Variants in CACNG5 observed in about 807,000 individuals in gnomAD.
CACNG5 encodes the protein calcium voltage-gated channel auxiliary subunit gamma 5.
A neutral mutation model predicts 24.8 loss-of-function variants in CACNG5; 18 were observed. The ratio of observed to expected loss-of-function variants is 0.73; its 90% CI spans 0.50 to 1.08. The LOEUF is 1.08. Ranked by LOEUF, CACNG5 falls within the 50% of genes least tolerant of loss-of-function variation. The pLI, the probability that CACNG5 is intolerant of heterozygous loss-of-function variation, is 0.00. For missense variants in CACNG5, 349 were observed against 367.9 expected (o/e 0.95, Z 0.42); for synonymous variants, 157 against 149.1 (o/e 1.05, Z -0.39).
chr17:66,836,066 G>A (rs1296379075), intron 1 of CACNG5, among the ~76,000 whole-genome samples: 2 of 152,200 alleles, frequency 1.3e-5, no homozygotes, highest in Admixed American at 1.3e-4. Context: ...GAGCCTGGCT[G>A]GGGAGGAAAG....
chr17:66,884,927 G>A (rs569134887), intron 5 of CACNG5, 56 bp from the exon 6 acceptor site: 2 of 1,613,988 alleles, frequency 1.2e-6, no homozygotes, highest in East Asian at 2.2e-5. Context: ...CCCCAGCCAA[G>A]GGAGATGAGG....
intron 4 of CACNG5, among the ~76,000 whole-genome samples, chr17:66,881,037 C>T (rs917404388): frequency 6.6e-6 from 1 of 152,230 alleles, no homozygotes; most frequent in African/African-American, 2.4e-5. Flanking sequence ...CTGTGCCCAG[C>T]CACCCTGGAC....
intron 1 of CACNG5, among the ~76,000 whole-genome samples, chr17:66,861,538 T>C (rs1976858766): frequency 6.6e-6 from 1 of 152,146 alleles, no homozygotes; most frequent in African/African-American, 2.4e-5. Context: ...GGAATAGGGG[T>C]GCAGATATAC....
intron 1 of CACNG5, among the ~76,000 whole-genome samples, chr17:66,866,760 G>C (rs1032594116): frequency 7.2e-5 from 11 of 152,030 alleles, no homozygotes; most frequent in Non-Finnish European, 1.5e-5. Context: ...GAGGATGATG[G>C]CTTCCAGCTT....
rs531416018 is a variant in CACNG5 at position 66,888,492 on chromosome 17, C to G, written c.*3252C>G. On this transcript the variant is annotated 3_prime_UTR_variant, in exon 6 of 6. Coordinates refer to ENST00000533854, the MANE Select transcript of CACNG5 (RefSeq NM_145811.3). ...CTGGGAGGCAGAGCTTGCAGTGAGC[C>G]GAGATCGCACCACTGCACTCCAGCC... is the stretch of plus-strand genomic sequence containing the variant. Among the ~76,000 whole-genome samples the G allele has an allele frequency of 1.4e-5, 2 of 139,828 alleles. No homozygotes were observed. The highest frequency in any genetic ancestry group is 5.3e-5 in the African/African-American group (2 of 37,622). 91.7% of individuals were successfully genotyped at this position (139,828 alleles called of 152,430 possible). A position where few individuals can be genotyped will look rare whatever the true frequency, so the allele number is the denominator to read the frequency against.
intron 1 of CACNG5, among the ~76,000 whole-genome samples, chr17:66,844,084 T>C (rs980236239): frequency 5.9e-5 from 9 of 152,170 alleles, no homozygotes; most frequent in Middle Eastern, 3.4e-3. Context: ...GTCACCGGTG[T>C]TCTCTGATAG....
intron 1 of CACNG5, among the ~76,000 whole-genome samples, chr17:66,853,809 A>G (rs1370700582): frequency 6.6e-6 from 1 of 152,246 alleles, no homozygotes; most frequent in East Asian, 1.9e-4. Context: ...CCTTACCCTG[A>G]TAAGCTGTAT....
At chr17:66,860,229 C>G (rs1438915735) in intron 1 of CACNG5, among the ~76,000 whole-genome samples, 1 of 152,158 alleles carries the variant, frequency 6.6e-6, no homozygotes, top group Non-Finnish European at 1.5e-5. Context: ...CCAGCTCCCC[C>G]AGTTTCTAGC....
chr17:66,854,297 G>A (rs373491371), intron 1 of CACNG5, among the ~76,000 whole-genome samples: 6 of 151,848 alleles, frequency 4.0e-5, no homozygotes, highest in African/African-American at 9.7e-5. Context: ...GCATGGTGGC[G>A]GGCACCTGTA....
At chr17:66,882,770 C>T (rs766061291) in intron 4 of CACNG5, among the ~76,000 whole-genome samples, 11 of 151,018 alleles carry the variant, frequency 7.3e-5, no homozygotes, top group East Asian at 2.0e-4. Flanking sequence ...AGTGGATGGG[C>T]GGATGGGAAG....
chr17:66,883,237 C>T (rs1323151267), intron 4 of CACNG5, among the ~76,000 whole-genome samples: 5 of 152,148 alleles, frequency 3.3e-5, no homozygotes, highest in Admixed American at 6.5e-5. Context: ...GTGAACTTCA[C>T]GATAGCCAAA....
intron 1 of CACNG5, among the ~76,000 whole-genome samples, chr17:66,867,855 G>A (rs570873830): frequency 3.3e-5 from 5 of 152,274 alleles, no homozygotes; most frequent in East Asian, 1.9e-4. Context: ...CCAGTGCCAC[G>A]CTGTTTTGAT....
At chr17:66,844,558 T>A (rs1568061795) in intron 1 of CACNG5, among the ~76,000 whole-genome samples, 1 of 152,190 alleles carries the variant, frequency 6.6e-6, no homozygotes, top group South Asian at 2.1e-4. Context: ...GTTCATCATA[T>A]CCTCTCCATA....
chr17:66,856,895 C>G (rs1029709391), intron 1 of CACNG5, among the ~76,000 whole-genome samples: 74 of 152,024 alleles, frequency 4.9e-4, no homozygotes, highest in African/African-American at 1.7e-3. Context: ...CCCTCTCTGT[C>G]CCTGACCCTA....
intron 1 of CACNG5, among the ~76,000 whole-genome samples, chr17:66,842,208 C>T (rs930174469): frequency 6.6e-6 from 1 of 152,128 alleles, no homozygotes; most frequent in South Asian, 2.1e-4. Context: ...CAGCCTCTAC[C>T]AGGCAAGGCA....
intron 1 of CACNG5, among the ~76,000 whole-genome samples, chr17:66,859,452 G>A (rs1209038553): frequency 6.6e-6 from 1 of 152,160 alleles, no homozygotes; most frequent in Non-Finnish European, 1.5e-5. Flanking sequence ...GCTGGAGGCA[G>A]GAAAACGATG....
At chr17:66,845,880 CCA>C (rs908827921) in intron 1 of CACNG5, among the ~76,000 whole-genome samples, 1 of 152,156 alleles carries the variant, frequency 6.6e-6, no homozygotes, top group African/African-American at 2.4e-5. Context: ...TTGTCTCCAT[CCA>C]CTCTGGGAGG....
Position 66,841,544 on chromosome 17 carries a change from C to T in CACNG5, c.-104+6294C>T, listed in dbSNP as rs149694210. On this transcript the variant is annotated intron_variant, in intron 1 of 5. Transcript: ENST00000533854. The stretch of plus-strand genomic sequence containing the variant: ...CCCTTTCTGTACCTGTCCAAAGGAG[C>T]ATCCTACCCAGCTGTCTCCCACTGC... 5.1e-3 allele frequency among the ~76,000 whole-genome samples: 783 copies of T among 152,294 alleles called. 10 individuals carry two copies. The highest frequency in any genetic ancestry group is 0.018 in the African/African-American group (746 of 41,550).
At chr17:66,860,489 A>G (rs565754280) in intron 1 of CACNG5, among the ~76,000 whole-genome samples, 3 of 151,716 alleles carry the variant, frequency 2.0e-5, no homozygotes, top group East Asian at 3.9e-4. Flanking sequence ...GGGTCCGTCT[A>G]TTTAAAGTGC....
Sources: allele counts gnomAD v4.1 joint callset (sites outside exome capture counted in the v4.1 genomes callset), GRCh38; gene constraint gnomAD v4.1.1; transcripts MANE v1.5; gene names NCBI Gene and HGNC (gene_info 2026-07-23, HGNC 2026-07-21).